PRDM16: variants seen among roughly 807,000 people sequenced by gnomAD.
The protein encoded by PRDM16 is histone-lysine N-methyltransferase PRDM16.
In PRDM16, 23 loss-of-function variants were observed where a neutral mutation model predicts 110.6. The ratio of observed to expected loss-of-function variants is 0.21; its 90% CI spans 0.15 to 0.29. PRDM16 has a LOEUF of 0.29. Among genes scored for constraint, PRDM16 ranks in the 10% least tolerant of loss-of-function variants. The pLI is 1.00. For synonymous variants in PRDM16, 799 were observed against 781.8 expected (o/e 1.02, Z -0.37); for missense variants, 1,615 against 1,794.3 (o/e 0.90, Z 1.81).
intron 3 of PRDM16, among the ~76,000 whole-genome samples, chr1:3,268,380 G>GA (rs1640349217): frequency 6.6e-6 from 1 of 152,238 alleles, no homozygotes; most frequent in African/African-American, 2.4e-5. Context: ...ACTACGGGGA[G>GA]AAATTACAGC....
chr1:3,318,931 C>T (rs1340484797), intron 3 of PRDM16, among the ~76,000 whole-genome samples: 1 of 152,236 alleles, frequency 6.6e-6, no homozygotes, highest in African/African-American at 2.4e-5. Context: ...AAAATAAAGG[C>T]CCCTGAGCTC....
chr1:3,364,078 C>T (rs902885484), intron 3 of PRDM16, among the ~76,000 whole-genome samples: 4 of 152,144 alleles, frequency 2.6e-5, no homozygotes, highest in African/African-American at 7.2e-5. Flanking sequence ...CACGTGGCCT[C>T]TGGCGTAGAA....
At chr1:3,380,255 C>T (rs1479974249) in intron 3 of PRDM16, among the ~76,000 whole-genome samples, 1 of 151,798 alleles carries the variant, frequency 6.6e-6, no homozygotes, top group Non-Finnish European at 1.5e-5. Context: ...CACCTGGCCC[C>T]CCTCAGAGGT....
rs565310708 is a variant in PRDM16, at chr1:3,114,323, G to T, written c.37+45027G>T. On this transcript the variant is annotated intron_variant, in intron 1 of 16. Transcript: ENST00000270722. The stretch of plus-strand genomic sequence containing the variant: ...CACGCACGCACACACACGCACACAC[G>T]CAGTGTAAACAGACGCGCACGCATG... Among the ~76,000 whole-genome samples the T allele has an allele frequency of 7.1e-4, 92 of 130,410 alleles. 1 individual carries two copies. In the South Asian group the frequency reaches 0.022, roughly 32 times the overall value. 85.6% of individuals were successfully genotyped at this position (130,410 alleles called of 152,430 possible).
chr1:3,382,037 G>A lies in PRDM16; in HGVS notation c.439-3115G>A, dbSNP rs141739336. On this transcript the variant is annotated intron_variant, in intron 3 of 16. Coordinates refer to ENST00000270722, the MANE Select transcript of PRDM16 (RefSeq NM_022114.4). This position sits in a 1 kb window ranked among gnomAD's most constrained non-coding sequence, Gnocchi z 6.6. ...TCCCTTCCTGTGGCAGAGGAAGATGGCAGGGCTGCCGACCACAGCTCTGGC... is the reference window on the plus strand; with the variant it reads ...TCCCTTCCTGTGGCAGAGGAAGATGACAGGGCTGCCGACCACAGCTCTGGC... Among the ~76,000 whole-genome samples, 602 of 152,352 alleles carry A rather than the reference G, an allele frequency of 4.0e-3. 1 individual carries two copies. The highest frequency in any genetic ancestry group is 7.2e-3 in the Non-Finnish European group (487 of 68,034).
intron 3 of PRDM16, among the ~76,000 whole-genome samples, chr1:3,248,029 G>A (rs1639832556): frequency 6.6e-6 from 1 of 152,256 alleles, no homozygotes; most frequent in South Asian, 2.1e-4. Flanking sequence ...GTAATAAAAA[G>A]GCCGGGCGAA....
In PRDM16 at chr1:3,411,871, G is replaced by A. The variant is rs748822939; in HGVS notation, c.1674G>A (p.Leu558=). The stretch of plus-strand genomic sequence containing the variant: ...CCCTGGGGAACCCAGCCCTGCCCCT[G>A]GTCTCCGCCGTCAGCAACAGCAGCC... ...PSPLGNPALP[L]VSAVSNSSQG... Residue 558 remains leucine (L), a synonymous_variant, in exon 9 of 17, where the codon CTG becomes CTA. Transcript: ENST00000270722. 18 of 1,612,364 alleles carry A rather than the reference G, an allele frequency of 1.1e-5. No individual in the cohort carries two copies. In the African/African-American group the frequency reaches 2.0e-4, roughly 18 times the overall value.
chr1:3,075,659 T>G (rs1290504714), intron 1 of PRDM16, among the ~76,000 whole-genome samples: 1 of 152,288 alleles, frequency 6.6e-6, no homozygotes, highest in East Asian at 1.9e-4. Flanking sequence ...TAGTGACTAT[T>G]TCATCTCCTC....
At chr1:3,214,386 A>C (rs1375933503) in intron 2 of PRDM16, among the ~76,000 whole-genome samples, 1 of 152,054 alleles carries the variant, frequency 6.6e-6, no homozygotes, top group African/African-American at 2.4e-5. Context: ...GCACCGTCAG[A>C]CTCGCAGGCC....
chr1:3,334,917 C>T (rs1642113550), intron 3 of PRDM16, among the ~76,000 whole-genome samples: 1 of 152,250 alleles, frequency 6.6e-6, no homozygotes, highest in African/African-American at 2.4e-5. Flanking sequence ...ATGGCCTGCG[C>T]CTTCCGCGGA....
chr1:3,401,335 A>G (rs1643464410), intron 5 of PRDM16, among the ~76,000 whole-genome samples: 1 of 152,134 alleles, frequency 6.6e-6, no homozygotes, highest in Admixed American at 6.5e-5. Context: ...GGCAATCCTT[A>G]GGTTCAGGCC....
At chr1:3,122,879 T>C (rs1472322779) in intron 1 of PRDM16, among the ~76,000 whole-genome samples, 1 of 152,194 alleles carries the variant, frequency 6.6e-6, no homozygotes, top group Admixed American at 6.5e-5. Context: ...CAGCCCCAGC[T>C]TTGCAAATTC....
intron 1 of PRDM16, among the ~76,000 whole-genome samples, chr1:3,109,731 A>C (rs1201310698): frequency 6.6e-6 from 1 of 152,226 alleles, no homozygotes; most frequent in Admixed American, 6.5e-5. Context: ...ACATGAAAGC[A>C]AACGAGTATG....
chr1:3,392,489 T>C (rs1350065907), intron 4 of PRDM16, among the ~76,000 whole-genome samples: 9 of 152,234 alleles, frequency 5.9e-5, no homozygotes, highest in Admixed American at 5.9e-4. Flanking sequence ...AGTCCGGTGA[T>C]TCCCACCTGG....
intron 1 of PRDM16, among the ~76,000 whole-genome samples, chr1:3,152,650 G>A (rs1274396338): frequency 6.6e-6 from 1 of 152,224 alleles, no homozygotes; most frequent in African/African-American, 2.4e-5. Context: ...GTCTCTAAGA[G>A]CAAGGGCCAG....
At chr1:3,341,425 T>G (rs939589440) in intron 3 of PRDM16, among the ~76,000 whole-genome samples, 2 of 152,138 alleles carry the variant, frequency 1.3e-5, no homozygotes, top group Non-Finnish European at 2.9e-5. Flanking sequence ...CTTTGCCCCA[T>G]GCTTCCTAAG....
chr1:3,094,744 C>T (rs1405612752), intron 1 of PRDM16, among the ~76,000 whole-genome samples: 1 of 152,240 alleles, frequency 6.6e-6, no homozygotes, highest in African/African-American at 2.4e-5. Context: ...CTGCGCCGTT[C>T]CTGCTTAAAT....
intron 2 of PRDM16, among the ~76,000 whole-genome samples, chr1:3,189,236 A>G (rs1638234769): frequency 6.6e-6 from 1 of 152,198 alleles, no homozygotes; most frequent in African/African-American, 2.4e-5. Context: ...CCCCTTCCCA[A>G]GCCACTCACA....
Position 3,320,347 on chromosome 1 carries a change from C to T in PRDM16, c.439-64805C>T, listed in dbSNP as rs570565678. Among the ~76,000 whole-genome samples the T allele has an allele frequency of 2.2e-4, 34 of 152,230 alleles. 1 individual carries two copies. The highest frequency in any genetic ancestry group is 1.4e-3 in the Admixed American group (22 of 15,302). On this transcript the variant is annotated intron_variant, in intron 3 of 16. Transcript: ENST00000270722. Reference sequence around the variant, plus strand: ...GTGTGTGCGTGTGTGTGTATGCACACGTGCACACACTGGTGTGAACATGCA... The same window carrying T: ...GTGTGTGCGTGTGTGTGTATGCACATGTGCACACACTGGTGTGAACATGCA...
Sources: gnomAD v4.1 joint callset for allele counts (sites outside exome capture counted in the v4.1 genomes callset) on GRCh38, gnomAD v4.1.1 for gene constraint, Gnocchi (gnomAD v3.1) non-coding constraint, MANE v1.5 for transcripts, NCBI Gene and HGNC (gene_info 2026-07-23, HGNC 2026-07-21) for gene names.